Variants in ANGPT2 observed in about 807,000 individuals in gnomAD.
ANGPT2 encodes angiopoietin-2.
ANGPT2 carries 28 observed loss-of-function variants against 62.9 expected under a neutral mutation model. The observed-to-expected ratio is 0.44, with a 90% CI of 0.33 to 0.61. The LOEUF is 0.61. Ranked by LOEUF, ANGPT2 falls within the 20% of genes least tolerant of loss-of-function variation. The pLI, the probability that ANGPT2 is intolerant of heterozygous loss-of-function variation, is 0.03. For missense variants in ANGPT2, 727 were observed against 594.9 expected (o/e 1.22, Z -2.31); for synonymous variants, 284 against 207.8 (o/e 1.37, Z -3.15).
intron 1 of ANGPT2, among the ~76,000 whole-genome samples, chr8:6,561,875 T>G (rs1294961525): frequency 6.6e-6 from 1 of 152,196 alleles, no homozygotes; most frequent in African/African-American, 2.4e-5. Context: ...GGATCATCTG[T>G]GAAACAGTGG....
At chr8:6,541,484 G>C (rs1041287615) in intron 1 of ANGPT2, among the ~76,000 whole-genome samples, 1 of 152,180 alleles carries the variant, frequency 6.6e-6, no homozygotes, top group African/African-American at 2.4e-5. Context: ...CCTGGAGACA[G>C]GAAACCAAAG....
At chr8:6,520,467 C>G (rs1039748260) in intron 4 of ANGPT2, among the ~76,000 whole-genome samples, 6 of 152,162 alleles carry the variant, frequency 3.9e-5, no homozygotes, top group Non-Finnish European at 8.8e-5. Flanking sequence ...CACATCTCAG[C>G]TTACCGCATC....
intron 4 of ANGPT2, 83 bp downstream of exon 4, chr8:6,521,095 A>C: frequency 9.2e-7 from 1 of 1,084,092 alleles, no homozygotes; most frequent in Non-Finnish European, 1.3e-6. Flanking sequence ...GCCTTTTCTG[A>C]AAGGTGAGAA....
chr8:6,562,572 G>GTT (rs1491167455), intron 1 of ANGPT2, 75 bp downstream of exon 1: 187 of 43,238 alleles, frequency 4.3e-3, no homozygotes, highest in African/African-American at 0.024. Flanking sequence ...TTTTTTTTTT[G>GTT]GTTGTTAAAA....
rs959512149 is a variant in ANGPT2 at position 6,503,224 on chromosome 8, G to A, written c.1365C>T (p.Asn455=). 28 of 1,613,986 alleles carry A rather than the reference G, an allele frequency of 1.7e-5. No homozygotes were observed. The highest frequency in any genetic ancestry group is 2.3e-5 in the Non-Finnish European group (27 of 1,180,026). Residue 455 remains asparagine, a synonymous_variant, in exon 9 of 9, where the codon AAC becomes AAT. Coordinates refer to ENST00000629816, the MANE Select transcript of ANGPT2 (RefSeq NM_001118887.2). ...WFDACGPSNL[N]GMYYPQRQNT... ...TCTGCCTCTGTGGATAGTACATTCC[G>A]TTCAAGTTGGAAGGACCACATGCAT...
Position 6,502,987 on chromosome 8 carries a change from G to A in ANGPT2, c.*114C>T, listed in dbSNP as rs759283579. Reference sequence around the variant, plus strand: ...GGAGCATGTGGGTCCCGTCAGCACCGAGCACACGCCCTCTGTGGTGGAAGA... The same window carrying A: ...GGAGCATGTGGGTCCCGTCAGCACCAAGCACACGCCCTCTGTGGTGGAAGA... On this transcript the variant is annotated 3_prime_UTR_variant, in exon 9 of 9. Transcript: ENST00000629816. 10 of 1,285,986 alleles carry A rather than the reference G, an allele frequency of 7.8e-6. No individual in the cohort carries two copies. The highest frequency in any genetic ancestry group is 2.8e-5 in the South Asian group (2 of 70,850). The allele number at this position is 1,285,986 out of a possible 1,614,324, so 79.7% of individuals were successfully genotyped here. A position where few individuals can be genotyped will look rare whatever the true frequency, so the allele number is the denominator to read the frequency against.
chr8:6,525,114 T>C (rs2129570208), intron 3 of ANGPT2, among the ~76,000 whole-genome samples: 1 of 152,364 alleles, frequency 6.6e-6, no homozygotes, highest in African/African-American at 2.4e-5. Context: ...TCTGACTCTT[T>C]AACCCTGCAA....
intron 3 of ANGPT2, among the ~76,000 whole-genome samples, chr8:6,526,834 C>T (rs1818434330): frequency 6.6e-6 from 1 of 152,144 alleles, no homozygotes; most frequent in Admixed American, 6.5e-5. Context: ...CCTCTTTTGT[C>T]CCAAGTGGAA....
chr8:6,514,544 C>A, intron 6 of ANGPT2, 133 bp downstream of exon 6: 1 of 771,910 alleles, frequency 1.3e-6, no homozygotes, highest in Admixed American at 2.2e-5. Context: ...AAAGGGGAGA[C>A]TGAAGCACCA....
At chr8:6,516,040 C>T (rs1322605874) in intron 5 of ANGPT2, among the ~76,000 whole-genome samples, 1 of 152,190 alleles carries the variant, frequency 6.6e-6, no homozygotes, top group East Asian at 1.9e-4. Flanking sequence ...CAGCATGGTT[C>T]TGGTCTCTCT....
chr8:6,510,625 G>C (rs1055656053), intron 7 of ANGPT2, among the ~76,000 whole-genome samples: 2 of 152,192 alleles, frequency 1.3e-5, no homozygotes, highest in African/African-American at 4.8e-5. Context: ...GAGGTTCAGA[G>C]ATATAAACTT....
intron 1 of ANGPT2, among the ~76,000 whole-genome samples, chr8:6,550,385 C>G (rs1374209084): frequency 6.6e-6 from 1 of 152,206 alleles, no homozygotes; most frequent in Admixed American, 6.5e-5. Context: ...GGGCTGCACC[C>G]AGACACGTGC....
intron 5 of ANGPT2, among the ~76,000 whole-genome samples, chr8:6,516,534 A>T (rs1258654974): frequency 6.6e-6 from 1 of 152,210 alleles, no homozygotes; most frequent in Non-Finnish European, 1.5e-5. Context: ...TTCCAAGTTT[A>T]AATCAGTTCA....
At chr8:6,532,574 TAAAAA>T in intron 1 of ANGPT2, 87 bp from the exon 2 acceptor site, 5 of 589,538 alleles carry the variant, frequency 8.5e-6, no homozygotes, top group Non-Finnish European at 1.2e-5. Context: ...TCCCTATCTT[TAAAAA>T]AAAAAAAAAA....
intron 5 of ANGPT2, among the ~76,000 whole-genome samples, chr8:6,519,557 A>C (rs1414942718): frequency 6.6e-6 from 1 of 152,222 alleles, no homozygotes; most frequent in Non-Finnish European, 1.5e-5. Context: ...AATGAGTCTG[A>C]CACCTCAGGA....
At chr8:6,519,104 G>C (rs1015508512) in intron 5 of ANGPT2, among the ~76,000 whole-genome samples, 3 of 152,140 alleles carry the variant, frequency 2.0e-5, no homozygotes, top group African/African-American at 7.2e-5. Flanking sequence ...TCCGCTGCTG[G>C]AGAAGAAAAT....
At chr8:6,503,420 G>T (rs556312281) in intron 8 of ANGPT2, among the ~76,000 whole-genome samples, 159 bp from the exon 9 acceptor site, 1 of 152,154 alleles carries the variant, frequency 6.6e-6, no homozygotes, top group Non-Finnish European at 1.5e-5. Context: ...CAGAGGGATT[G>T]TTTTCCAGCC....
intron 1 of ANGPT2, among the ~76,000 whole-genome samples, chr8:6,538,820 C>T (rs17623313): frequency 0.37 from 56,913 of 152,052 alleles, 11,652 homozygotes; most frequent in Middle Eastern, 0.5. Flanking sequence ...ACATATACAC[C>T]CTAGTAACAA....
At chr8:6,534,437 G>C (rs1198757353) in intron 1 of ANGPT2, among the ~76,000 whole-genome samples, 1 of 152,132 alleles carries the variant, frequency 6.6e-6, no homozygotes, top group African/African-American at 2.4e-5. Flanking sequence ...GTCCCCCACA[G>C]ACATCAAGGG....
Sources: gnomAD v4.1 joint callset for allele counts (sites outside exome capture counted in the v4.1 genomes callset) on GRCh38, gnomAD v4.1.1 for gene constraint, MANE v1.5 for transcripts, NCBI Gene and HGNC (gene_info 2026-07-23, HGNC 2026-07-21) for gene names.